The following DPP10 variants were observed in gnomAD, a reference collection of about 807,000 sequenced individuals.
DPP10 encodes the protein inactive dipeptidyl peptidase 10.
A neutral mutation model predicts 120.9 loss-of-function variants in DPP10; 33 were observed. That is an observed-to-expected ratio of 0.27 (90% CI 0.21 to 0.37). DPP10 has a LOEUF of 0.37. Ranked by LOEUF, DPP10 falls within the 10% of genes least tolerant of loss-of-function variation. The pLI is 1.00. For missense variants in DPP10, 816 were observed against 942.8 expected (o/e 0.87, Z 1.76); for synonymous variants, 337 against 326.1 (o/e 1.03, Z -0.36).
intron 2 of DPP10, among the ~76,000 whole-genome samples, chr2:115,323,207 A>T (rs1358446975): frequency 6.6e-6 from 1 of 152,160 alleles, no homozygotes; most frequent in Admixed American, 6.5e-5. Context: ...CTTTGTTGTC[A>T]CGTCAACAGT....
chr2:114,779,915 T>A (rs1419356332), intron 1 of DPP10, among the ~76,000 whole-genome samples: 1 of 151,792 alleles, frequency 6.6e-6, no homozygotes, highest in African/African-American at 2.4e-5. Flanking sequence ...GGCGGGCGGA[T>A]CACGAGGTCA....
intron 1 of DPP10, among the ~76,000 whole-genome samples, chr2:115,167,990 A>G (rs1401816079): frequency 6.6e-6 from 1 of 152,162 alleles, no homozygotes; most frequent in Non-Finnish European, 1.5e-5. Context: ...GAAAGAGGAT[A>G]TTTAAAGGAA....
At chr2:114,721,207 A>G (rs1701685912) in intron 1 of DPP10, among the ~76,000 whole-genome samples, 2 of 152,142 alleles carry the variant, frequency 1.3e-5, no homozygotes, top group African/African-American at 2.4e-5. Flanking sequence ...GTGTGCATTC[A>G]TTCTATCATT....
chr2:114,881,127 C>G (rs76710948), intron 1 of DPP10, among the ~76,000 whole-genome samples: 2,016 of 152,170 alleles, frequency 0.013, 33 homozygotes, highest in African/African-American at 0.045. Context: ...ACATGAAGAT[C>G]TAGGAAATGA....
At chr2:114,910,467 A>C (rs1694287325) in intron 1 of DPP10, among the ~76,000 whole-genome samples, 2 of 152,018 alleles carry the variant, frequency 1.3e-5, no homozygotes, top group Non-Finnish European at 2.9e-5. Flanking sequence ...GCCTAATAAC[A>C]AATTCGACAC....
At chr2:115,028,928 A>G (rs1387715850) in intron 1 of DPP10, among the ~76,000 whole-genome samples, 1 of 151,818 alleles carries the variant, frequency 6.6e-6, no homozygotes, top group East Asian at 1.9e-4. Flanking sequence ...CTATCTCTTC[A>G]CTTTCAGTCT....
At chr2:114,591,096 G>C (rs72840645) in intron 1 of DPP10, among the ~76,000 whole-genome samples, 142 of 152,320 alleles carry the variant, frequency 9.3e-4, no homozygotes, top group Admixed American at 2.2e-3. Context: ...ATCCCATGCA[G>C]AGCAGGGAGA....
intron 2 of DPP10, among the ~76,000 whole-genome samples, chr2:115,339,911 G>T (rs12999921): frequency 0.04 from 6,028 of 152,154 alleles, 128 homozygotes; most frequent in South Asian, 0.064. Flanking sequence ...AACTAAACAC[G>T]CAAGAATGCA....
intron 1 of DPP10, among the ~76,000 whole-genome samples, chr2:114,991,772 T>C (rs576394353): frequency 6.6e-6 from 1 of 152,206 alleles, no homozygotes; most frequent in South Asian, 2.1e-4. Context: ...GAGATGAGTG[T>C]GGAAAGAAAA....
rs140006987 is a variant in DPP10 at position 114,766,900 on chromosome 2, G to GAC, written c.60+324073_60+324074dup. Among the ~76,000 whole-genome samples the GAC allele has an allele frequency of 2.6e-5, 4 of 151,268 alleles. No individual in the cohort carries two copies. The East Asian group carries it at 5.8e-4, about 22-fold the overall frequency. On this transcript the variant is annotated intron_variant, in intron 1 of 25. Transcript: ENST00000410059. Reference sequence around the variant, plus strand: ...TAGGCTGAAACTGCATAGCACCACAGACACACACACACGCACACACATACA... The same window carrying GAC: ...TAGGCTGAAACTGCATAGCACCACAGACACACACACACACGCACACACATACA...
At chr2:115,735,507 T>A (rs553607641) in intron 8 of DPP10, among the ~76,000 whole-genome samples, 1 of 151,794 alleles carries the variant, frequency 6.6e-6, no homozygotes, top group South Asian at 2.1e-4. Context: ...CAAATGTTAC[T>A]CCTTTCCATC....
In DPP10 at chr2:115,027,444, A is replaced by C. The variant is rs147028439; in HGVS notation, c.61-281795A>C. On this transcript the variant is annotated intron_variant, in intron 1 of 25. Transcript: ENST00000410059. ...ACTTGCATATATTAGACAATTTTGC[A>C]TTCTTGGGATGAATCTCACTTGACT... is the stretch of plus-strand genomic sequence containing the variant. Among the ~76,000 whole-genome samples the C allele has an allele frequency of 1.7e-3, 252 of 152,262 alleles. 2 individuals carry two copies. Among genetic ancestry groups the C allele is most frequent in the African/African-American group, 5.8e-3 (240 of 41,558 alleles).
rs1389953568 is a variant in DPP10, at chr2:115,691,807, G to C, written c.576+1886G>C. Among the ~76,000 whole-genome samples, 2 of 151,996 alleles carry C rather than the reference G, an allele frequency of 1.3e-5. 1 individual carries two copies. The highest frequency in any genetic ancestry group is 2.9e-5 in the Non-Finnish European group (2 of 67,968). On this transcript the variant is annotated intron_variant, in intron 7 of 25. Coordinates refer to ENST00000410059, the MANE Select transcript of DPP10 (RefSeq NM_020868.6). ...ATCTTCATATCTACAAACATTTAATGTATGTATTTAGTTATTTAAGACTCT... is the reference window on the plus strand; with the variant it reads ...ATCTTCATATCTACAAACATTTAATCTATGTATTTAGTTATTTAAGACTCT...
intron 3 of DPP10, among the ~76,000 whole-genome samples, chr2:115,380,959 G>A (rs1202489964): frequency 6.6e-6 from 1 of 152,168 alleles, no homozygotes. Context: ...AGGGTAACCT[G>A]ACCTTTCTCT....
At chr2:115,088,181 T>A (rs1203100717) in intron 1 of DPP10, among the ~76,000 whole-genome samples, 1 of 152,128 alleles carries the variant, frequency 6.6e-6, no homozygotes, top group African/African-American at 2.4e-5. Context: ...CATGACCTAA[T>A]CACCTCCTAA....
chr2:115,118,591 T>C (rs566401692), intron 1 of DPP10, among the ~76,000 whole-genome samples: 2 of 152,224 alleles, frequency 1.3e-5, no homozygotes, highest in South Asian at 4.2e-4. Flanking sequence ...TTGTTTCTTG[T>C]TTTGGAGACG....
intron 1 of DPP10, among the ~76,000 whole-genome samples, chr2:114,849,027 A>G (rs576989583): frequency 6.6e-6 from 1 of 152,208 alleles, no homozygotes; most frequent in Non-Finnish European, 1.5e-5. Flanking sequence ...AATCCCATTC[A>G]TGAGAGCACT....
chr2:115,264,034 T>G (rs2059360783), intron 1 of DPP10, among the ~76,000 whole-genome samples: 1 of 152,162 alleles, frequency 6.6e-6, no homozygotes, highest in Admixed American at 6.5e-5. Context: ...TAAAAATGAT[T>G]TCCATAGTAA....
intron 3 of DPP10, among the ~76,000 whole-genome samples, chr2:115,415,841 T>TTATATATATATATATATATATA (rs70941057): frequency 8.1e-5 from 6 of 74,288 alleles, no homozygotes; most frequent in Non-Finnish European, 1.0e-4. Context: ...TGATTTGCTT[T>TTATATATATATATATATATATA]TATATATATA....
Sources: allele counts gnomAD v4.1 joint callset (sites outside exome capture counted in the v4.1 genomes callset), GRCh38; gene constraint gnomAD v4.1.1; transcripts MANE v1.5; gene names NCBI Gene and HGNC (gene_info 2026-07-23, HGNC 2026-07-21).